The following FAT3 variants were observed in gnomAD, a reference collection of about 807,000 sequenced individuals.
The protein encoded by FAT3 is FAT atypical cadherin 3.
A neutral mutation model predicts 310.2 loss-of-function variants in FAT3; 95 were observed. The ratio of observed to expected loss-of-function variants is 0.31; its 90% CI spans 0.26 to 0.36. The LOEUF (loss-of-function observed/expected upper bound fraction) is 0.36. Ranked by LOEUF, FAT3 falls within the 10% of genes least tolerant of loss-of-function variation. The pLI is 1.00. For synonymous variants in FAT3, 2,314 were observed against 2,192.9 expected, an observed-to-expected ratio of 1.06 and a Z score of -1.54; for missense variants, 5,408 against 5,715.6, an observed-to-expected ratio of 0.95 and a Z score of 1.74.
Position 92,896,186 on chromosome 11 carries a change from A to G in FAT3, c.*5073A>G. The G allele has an allele frequency of 6.6e-6, 1 of 152,160 alleles. No individual in the cohort carries two copies. Among genetic ancestry groups the G allele is most frequent in the Admixed American group, 6.5e-5 (1 of 15,282 alleles). The allele number at this position is 152,160 out of a possible 1,614,324, so 9.4% of individuals were successfully genotyped here. On this transcript the variant is annotated 3_prime_UTR_variant, in exon 28 of 28. Coordinates refer to ENST00000525166, the MANE Select transcript of FAT3 (RefSeq NM_001367949.2). Reference sequence around the variant, plus strand: ...ATTCACCTCAACTTGCACACACATCACACACCAAACCTTATGCAAAGGGGA... The same window carrying G: ...ATTCACCTCAACTTGCACACACATCGCACACCAAACCTTATGCAAAGGGGA...
chr11:92,431,941 C>A (rs1591281890), intron 2 of FAT3, among the ~76,000 whole-genome samples: 1 of 152,276 alleles, frequency 6.6e-6, no homozygotes, highest in East Asian at 1.9e-4. Context: ...ATGATGCCTC[C>A]AGCTTTGTTC....
At chr11:92,819,193 A>G (rs906690552) in intron 13 of FAT3, among the ~76,000 whole-genome samples, 2 of 152,216 alleles carry the variant, frequency 1.3e-5, no homozygotes, top group Non-Finnish European at 2.9e-5. Context: ...AGGGTTGGTT[A>G]ACAGACATTC....
At chr11:92,480,237 C>T (rs1341443244) in intron 2 of FAT3, among the ~76,000 whole-genome samples, 5 of 152,082 alleles carry the variant, frequency 3.3e-5, no homozygotes, top group Admixed American at 2.6e-4. Context: ...TGCACTCCAG[C>T]CTGGGCGACA....
intron 3 of FAT3, among the ~76,000 whole-genome samples, chr11:92,664,363 GTTC>G (rs1164502699): frequency 7.2e-5 from 11 of 152,302 alleles, no homozygotes; most frequent in African/African-American, 2.6e-4. Context: ...ATTGATCTTA[GTTC>G]TTCTTATGTC....
At chr11:92,566,629 T>G (rs1955459200) in intron 3 of FAT3, among the ~76,000 whole-genome samples, 1 of 151,220 alleles carries the variant, frequency 6.6e-6, no homozygotes, top group Admixed American at 6.6e-5. Context: ...ACTACCTGAC[T>G]TCAAACTATA....
Position 92,827,057 on chromosome 11 carries a change from T to C in FAT3, c.9482-4565T>C, listed in dbSNP as rs142348689. 5.9e-5 allele frequency among the ~76,000 whole-genome samples: 9 copies of C among 152,310 alleles called. No homozygotes were observed. In the East Asian group the frequency reaches 1.7e-3, roughly 29 times the overall value. ...GTGCTGATTTTAACACCTTTAGCAA[T>C]CTCAGATTTAAAACTAAGTTATTCT... is the stretch of plus-strand genomic sequence containing the variant. On this transcript the variant is annotated intron_variant, in intron 13 of 27. Coordinates refer to ENST00000525166, the MANE Select transcript of FAT3 (RefSeq NM_001367949.2).
intron 2 of FAT3, among the ~76,000 whole-genome samples, chr11:92,370,593 T>C (rs1422651976): frequency 6.6e-6 from 1 of 152,244 alleles, no homozygotes; most frequent in Non-Finnish European, 1.5e-5. Flanking sequence ...AAAACAGTTA[T>C]TAAATATTGG....
At chr11:92,821,236 T>C (rs567050208) in intron 13 of FAT3, among the ~76,000 whole-genome samples, 1 of 152,296 alleles carries the variant, frequency 6.6e-6, no homozygotes, top group South Asian at 2.1e-4. Context: ...ATGACTTAAT[T>C]AGTGGCAAAG....
chr11:92,742,478 G>A (rs1292390265), intron 4 of FAT3, among the ~76,000 whole-genome samples: 2 of 152,194 alleles, frequency 1.3e-5, no homozygotes, highest in Non-Finnish European at 2.9e-5. Context: ...TAGTGCTGTG[G>A]TTTGGATGTG....
chr11:92,685,542 A>C (rs1241400749), intron 3 of FAT3, among the ~76,000 whole-genome samples: 1 of 151,378 alleles, frequency 6.6e-6, no homozygotes, highest in Non-Finnish European at 1.5e-5. Flanking sequence ...GCACACGCGT[A>C]CATACACATT....
chr11:92,505,883 G>A (rs1041062428), intron 2 of FAT3, among the ~76,000 whole-genome samples: 3 of 152,114 alleles, frequency 2.0e-5, no homozygotes, highest in Admixed American at 6.5e-5. Context: ...CTCTGTAGGC[G>A]CTGGACTCCA....
At chr11:92,554,676 G>T (rs1954955837) in intron 3 of FAT3, among the ~76,000 whole-genome samples, 1 of 152,042 alleles carries the variant, frequency 6.6e-6, no homozygotes, top group Admixed American at 6.6e-5. Context: ...AAAGTCAGGA[G>T]TATATTCTCT....
chr11:92,297,097 G>A (rs1375872758), intron 1 of FAT3, among the ~76,000 whole-genome samples: 1 of 152,072 alleles, frequency 6.6e-6, no homozygotes, highest in East Asian at 1.9e-4. Flanking sequence ...AACAACTGAA[G>A]AATTAGATGG....
At chr11:92,276,790 C>T (rs1216640348) in intron 1 of FAT3, among the ~76,000 whole-genome samples, 2 of 152,232 alleles carry the variant, frequency 1.3e-5, no homozygotes, top group East Asian at 1.9e-4. Context: ...TGGCATATGC[C>T]GTTGAGTTTG....
At chr11:92,666,607 G>A (rs993590271) in intron 3 of FAT3, among the ~76,000 whole-genome samples, 1 of 151,092 alleles carries the variant, frequency 6.6e-6, no homozygotes. Flanking sequence ...TGATCCGCCT[G>A]CCTCGGCCTC....
At chr11:92,884,987 G>C (rs939747100) in intron 24 of FAT3, among the ~76,000 whole-genome samples, 1 of 152,200 alleles carries the variant, frequency 6.6e-6, no homozygotes, top group African/African-American at 2.4e-5. Context: ...AACAAAGAAA[G>C]AGGAGGGAAA....
At chr11:92,822,386 A>G (rs1230868882) in intron 13 of FAT3, among the ~76,000 whole-genome samples, 1 of 151,896 alleles carries the variant, frequency 6.6e-6, no homozygotes, top group Non-Finnish European at 1.5e-5. Context: ...AATGCAGAGG[A>G]CGGATTTAAG....
chr11:92,669,733 A>T (rs1017985311), intron 3 of FAT3, among the ~76,000 whole-genome samples: 1 of 152,160 alleles, frequency 6.6e-6, no homozygotes, highest in East Asian at 1.9e-4. Context: ...CTAGTTTCCA[A>T]TTCCAGCCCA....
At chr11:92,726,671 G>C (rs910059003) in intron 4 of FAT3, among the ~76,000 whole-genome samples, 2 of 151,692 alleles carry the variant, frequency 1.3e-5, no homozygotes, top group Non-Finnish European at 2.9e-5. Flanking sequence ...GTTAAAGAAT[G>C]GTTAAACTAA....
Sources: gnomAD v4.1 joint callset for allele counts (sites outside exome capture counted in the v4.1 genomes callset) on GRCh38, gnomAD v4.1.1 for gene constraint, MANE v1.5 for transcripts, NCBI Gene and HGNC (gene_info 2026-07-23, HGNC 2026-07-21) for gene names.